Variants in ANKRD28 observed in about 807,000 individuals in gnomAD.
The protein encoded by ANKRD28 is ankyrin repeat domain 28.
In ANKRD28, 44 loss-of-function variants were observed where a neutral mutation model predicts 126.5. The observed-to-expected ratio is 0.35, with a 90% CI of 0.27 to 0.45. The LOEUF is 0.45. Among genes scored for constraint, ANKRD28 ranks in the 20% least tolerant of loss-of-function variants. The pLI, the probability that ANKRD28 is intolerant of heterozygous loss-of-function variation, is 1.00. For synonymous variants in ANKRD28, 442 were observed against 468.5 expected, an observed-to-expected ratio of 0.94 and a Z score of 0.73; for missense variants, 1,110 against 1,316.6, an observed-to-expected ratio of 0.84 and a Z score of 2.43.
chr3:15,714,502 T>G, intron 9 of ANKRD28, 76 bp downstream of exon 9: 1 of 1,042,888 alleles, frequency 9.6e-7, no homozygotes, highest in Middle Eastern at 2.7e-4. Flanking sequence ...TCAATACCAT[T>G]CATTTGGTGG....
chr3:15,765,930 T>C (rs1430617972), intron 3 of ANKRD28, among the ~76,000 whole-genome samples: 1 of 151,992 alleles, frequency 6.6e-6, no homozygotes, highest in African/African-American at 2.4e-5. Context: ...TACCTTTCAA[T>C]TTTTTCAAAG....
At chr3:15,695,605 A>C (rs1246027549) in intron 15 of ANKRD28, among the ~76,000 whole-genome samples, 1 of 152,140 alleles carries the variant, frequency 6.6e-6, no homozygotes, top group Non-Finnish European at 1.5e-5. Flanking sequence ...TATCTGTTAC[A>C]CACATGAATA....
At chr3:15,774,027 A>T (rs1367152367) in intron 2 of ANKRD28, among the ~76,000 whole-genome samples, 2 of 152,192 alleles carry the variant, frequency 1.3e-5, no homozygotes, top group Non-Finnish European at 2.9e-5. Context: ...TTGATTTTTG[A>T]CTAAAGTACA....
chr3:15,777,271 CAAAAAAAAAAAA>C (rs148444429), intron 2 of ANKRD28, among the ~76,000 whole-genome samples: 1 of 111,646 alleles, frequency 9.0e-6, no homozygotes, highest in East Asian at 2.5e-4. Flanking sequence ...GACTCCGTCT[CAAAAAAAAAAAA>C]AAAAAGAAAA....
chr3:15,820,094 G>C (rs1340691978), intron 1 of ANKRD28, among the ~76,000 whole-genome samples: 2 of 152,084 alleles, frequency 1.3e-5, no homozygotes, highest in Non-Finnish European at 1.5e-5. Context: ...TTAGGTAAAG[G>C]GTTGGTAGGA....
In ANKRD28 at chr3:15,676,038, C is replaced by A. The variant is rs951868143; in HGVS notation, c.2874-49G>T. 8 of 1,446,806 alleles carry A rather than the reference C, an allele frequency of 5.5e-6. No homozygotes were observed. In the Admixed American group the frequency reaches 5.7e-5, roughly 10 times the overall value. The allele number at this position is 1,446,806 out of a possible 1,614,324, so 89.6% of individuals were successfully genotyped here. A position where few individuals can be genotyped will look rare whatever the true frequency, so the allele number is the denominator to read the frequency against. On this transcript the variant is annotated intron_variant, in intron 26 of 27. Coordinates refer to ENST00000683139, the MANE Select transcript of ANKRD28 (RefSeq NM_001349278.2). ...GTACACATATGTGCATGTGCATGCA[C>A]ATACACATACACACCTGGCTGTCAA...
intron 3 of ANKRD28, among the ~76,000 whole-genome samples, chr3:15,762,470 T>C (rs552542642): frequency 1.4e-4 from 21 of 152,288 alleles, no homozygotes; most frequent in Non-Finnish European, 2.8e-4. Flanking sequence ...GGCTGTTTCT[T>C]GATTGTAGAA....
In ANKRD28 at chr3:15,712,174, G is replaced by A. The variant is rs753546905; in HGVS notation, c.1239C>T (p.Gly413=). ...MFPLHLAALS[G]FSDCCRKLLS... ...GAAGTTTTCTGCAGCAATCTGAAAA[G>A]CCGCTTAAGGCTGCCAAATGGAGGG... The change falls in exon 11 of 28, where the codon GGC becomes GGT. Residue 413 remains glycine (G), a synonymous_variant. Coordinates refer to ENST00000683139, the MANE Select transcript of ANKRD28 (RefSeq NM_001349278.2). 1.6e-5 allele frequency: 26 copies of A among 1,584,792 alleles called. No homozygotes were observed. The highest frequency in any genetic ancestry group is 8.6e-7 in the Non-Finnish European group (1 of 1,165,146).
At chr3:15,696,876 T>A (rs907488055) in intron 14 of ANKRD28, among the ~76,000 whole-genome samples, 1 of 152,200 alleles carries the variant, frequency 6.6e-6, no homozygotes, top group South Asian at 2.1e-4. Context: ...GAAAACTGTA[T>A]GGAGATTCCT....
chr3:15,715,935 A>AG (rs1404584637), intron 8 of ANKRD28, among the ~76,000 whole-genome samples: 2 of 151,944 alleles, frequency 1.3e-5, no homozygotes, highest in African/African-American at 2.4e-5. Flanking sequence ...AAAATGTTCC[A>AG]GATAGGATAT....
chr3:15,842,330 T>C (rs1224904038), intron 1 of ANKRD28, among the ~76,000 whole-genome samples: 2 of 151,988 alleles, frequency 1.3e-5, no homozygotes, highest in African/African-American at 4.8e-5. Flanking sequence ...TGTTCTCACT[T>C]ATTTGTGGAA....
chr3:15,711,371 C>T, intron 11 of ANKRD28, 97 bp from the exon 12 acceptor site: 1 of 1,026,112 alleles, frequency 9.7e-7, no homozygotes, highest in South Asian at 1.5e-5. Context: ...CCCCTCCAAT[C>T]CCAAACAAAA....
intron 17 of ANKRD28, among the ~76,000 whole-genome samples, chr3:15,691,284 C>T (rs2068765342): frequency 6.6e-6 from 1 of 152,078 alleles, no homozygotes; most frequent in East Asian, 1.9e-4. Context: ...CCACCATGCC[C>T]CAGCTAATTT....
chr3:15,684,053 G>C (rs879848614), intron 21 of ANKRD28: 4 of 152,020 alleles, frequency 2.6e-5, no homozygotes, highest in Admixed American at 2.6e-4. Flanking sequence ...CATTAATCTT[G>C]AAGCTACACT....
At chr3:15,742,312 C>T (rs1575483426) in intron 4 of ANKRD28, among the ~76,000 whole-genome samples, 2 of 151,720 alleles carry the variant, frequency 1.3e-5, no homozygotes, top group East Asian at 4.0e-4. Flanking sequence ...TCCCGGCTGC[C>T]ATCCCATCTA....
intron 1 of ANKRD28, among the ~76,000 whole-genome samples, chr3:15,803,562 A>T (rs1394135218): frequency 1.3e-5 from 2 of 151,352 alleles, no homozygotes; most frequent in Non-Finnish European, 2.9e-5. Flanking sequence ...GGCTGTAATG[A>T]GCTGAGATCA....
At position 15,679,377 on chromosome 3, in the gene ANKRD28, C is replaced by T; in HGVS notation, c.2485G>A (p.Asp829Asn). ...FSPLHCAVIN[D>N]NEGAAEMLID... ...AACATCTCAGCAGCACCTTCGTTGT[C>T]ATTTATCCTGTGTAAGGTAACAAGG... is the stretch of plus-strand genomic sequence containing the variant. Residue 829 changes from aspartate to asparagine, a missense_variant, in exon 23 of 28, where the codon GAC (aspartate) becomes AAC (asparagine). Asp to Asn is a conservative substitution (Grantham distance 23). Coordinates refer to ENST00000683139, the MANE Select transcript of ANKRD28 (RefSeq NM_001349278.2). The T allele has an allele frequency of 6.2e-7, 1 of 1,613,942 alleles. No homozygotes were observed. Among genetic ancestry groups the T allele is most frequent in the Non-Finnish European group, 8.5e-7 (1 of 1,179,834 alleles).
intron 3 of ANKRD28, among the ~76,000 whole-genome samples, chr3:15,760,189 C>T (rs2058379119): frequency 2.0e-5 from 3 of 152,078 alleles, no homozygotes; most frequent in Non-Finnish European, 2.9e-5. Context: ...TGGGGCCTAT[C>T]AGAGGGTGGA....
intron 4 of ANKRD28, among the ~76,000 whole-genome samples, chr3:15,749,358 C>A (rs193052989): frequency 6.6e-6 from 1 of 151,372 alleles, no homozygotes; most frequent in South Asian, 2.1e-4. Flanking sequence ...ATGATCCACC[C>A]GCCTCGGCCT....
Sources: gnomAD v4.1 joint callset for allele counts (sites outside exome capture counted in the v4.1 genomes callset) on GRCh38, gnomAD v4.1.1 for gene constraint, MANE v1.5 for transcripts, NCBI Gene and HGNC (gene_info 2026-07-23, HGNC 2026-07-21) for gene names.